The following INVS variants were observed in gnomAD, a reference collection of about 807,000 sequenced individuals.
INVS encodes the protein inversin, also known as inversion of embryo turning homolog.
Under a neutral mutation model 108.8 loss-of-function variants are expected in INVS, and 86 were observed. The observed-to-expected ratio is 0.79, with a 90% confidence interval of 0.66 to 0.95. INVS has a LOEUF of 0.95. Ranked by LOEUF, INVS falls within the 40% of genes least tolerant of loss-of-function variation. The pLI, the probability that INVS is intolerant of heterozygous loss-of-function variation, is 0.00. For synonymous variants in INVS, 455 were observed against 473.5 expected, an observed-to-expected ratio of 0.96 and a Z score of 0.51; for missense variants, 1,169 against 1,297.4, an observed-to-expected ratio of 0.90 and a Z score of 1.52.
chr9:100,247,882 C>T (rs938131006), intron 8 of INVS, among the ~76,000 whole-genome samples: 1 of 152,046 alleles, frequency 6.6e-6, no homozygotes. Flanking sequence ...GATCTTGGCT[C>T]ACTGCAACCT....
At chr9:100,104,996 G>T (rs1200552112) in intron 2 of INVS, among the ~76,000 whole-genome samples, 1 of 152,068 alleles carries the variant, frequency 6.6e-6, no homozygotes, top group Non-Finnish European at 1.5e-5. Flanking sequence ...AATTTTTAAT[G>T]ATTTAAAATT....
At chr9:100,110,119 C>G (rs1827296649) in intron 2 of INVS, among the ~76,000 whole-genome samples, 1 of 152,204 alleles carries the variant, frequency 6.6e-6, no homozygotes, top group Non-Finnish European at 1.5e-5. Flanking sequence ...AAAATGCTTG[C>G]CTACATGCAA....
intron 3 of INVS, among the ~76,000 whole-genome samples, chr9:100,183,933 AAT>A (rs1348845083): frequency 6.6e-6 from 1 of 152,036 alleles, no homozygotes; most frequent in Non-Finnish European, 1.5e-5. Context: ...ATTTATAGTA[AAT>A]ATAGGTATAA....
chr9:100,140,540 G>A (rs992471740), intron 3 of INVS, among the ~76,000 whole-genome samples: 1 of 152,176 alleles, frequency 6.6e-6, no homozygotes, highest in African/African-American at 2.4e-5. Context: ...GGATGTGTAC[G>A]TGTAGGTCAC....
At chr9:100,183,794 G>GAAA (rs67231511) in intron 3 of INVS, among the ~76,000 whole-genome samples, 7 of 68,654 alleles carry the variant, frequency 1.0e-4, no homozygotes, top group East Asian at 4.9e-4. Context: ...CTGTTTCAGG[G>GAAA]AAAAAAAAAA....
At chr9:100,108,296 C>T (rs970988889) in intron 2 of INVS, among the ~76,000 whole-genome samples, 2 of 152,096 alleles carry the variant, frequency 1.3e-5, no homozygotes, top group Non-Finnish European at 2.9e-5. Flanking sequence ...AGCTAATAAA[C>T]TTATTTATAA....
chr9:100,274,959 C>A (rs1246282017), intron 12 of INVS, among the ~76,000 whole-genome samples: 1 of 152,136 alleles, frequency 6.6e-6, no homozygotes, highest in Non-Finnish European at 1.5e-5. Context: ...CAAGATAAGT[C>A]ATTTTAATGA....
chr9:100,150,734 T>C (rs1425692122), intron 3 of INVS, among the ~76,000 whole-genome samples: 1 of 152,186 alleles, frequency 6.6e-6, no homozygotes, highest in Admixed American at 6.5e-5. Flanking sequence ...ATCAGGATGA[T>C]TATTATTCCT....
At chr9:100,248,892 A>C (rs1355901643) in intron 8 of INVS, among the ~76,000 whole-genome samples, 1 of 151,976 alleles carries the variant, frequency 6.6e-6, no homozygotes, top group African/African-American at 2.4e-5. Flanking sequence ...TTTAGAAAAA[A>C]AAAGTTAAAA....
intron 3 of INVS, among the ~76,000 whole-genome samples, chr9:100,145,480 A>T (rs1828573383): frequency 6.6e-6 from 1 of 151,858 alleles, no homozygotes; most frequent in Admixed American, 6.6e-5. Context: ...CACAGAGATA[A>T]GAGGTTGGGG....
At chr9:100,129,993 A>G (rs1309515485) in intron 3 of INVS, 4 of 331,170 alleles carry the variant, frequency 1.2e-5, no homozygotes, top group East Asian at 4.6e-5. Flanking sequence ...GTGCTTGTAT[A>G]GGGTGGTGCT....
At chr9:100,112,124 A>G (rs1203006395) in intron 2 of INVS, among the ~76,000 whole-genome samples, 1 of 151,976 alleles carries the variant, frequency 6.6e-6, no homozygotes, top group African/African-American at 2.4e-5. Flanking sequence ...GGTACATGCC[A>G]CCATGCTCAG....
intron 3 of INVS, among the ~76,000 whole-genome samples, chr9:100,131,621 C>A (rs2118913214): frequency 6.6e-6 from 1 of 152,174 alleles, no homozygotes; most frequent in East Asian, 1.9e-4. Flanking sequence ...TCTCTGACTT[C>A]TACTGATACA....
rs1833369214 is a variant in INVS, at chr9:100,284,414, C to T, written c.1879C>T (p.Pro627Ser). ...SCRPQALPCL[P>S]STQDVPSRQS... ...CAGACCCCAGGCCCTTCCCTGTCTG[C>T]CTAGCACCCAGGATGTGCCCAGCAG... The change falls in exon 13 of 17, where the codon CCT becomes TCT. Residue 627 changes from proline to serine, a missense_variant. Pro to Ser is a moderately conservative substitution (Grantham distance 74, BLOSUM62 -1). Transcript: ENST00000262457. 1 of 1,614,108 alleles carries T rather than the reference C, an allele frequency of 6.2e-7. No individual in the cohort carries two copies. Among genetic ancestry groups the T allele is most frequent in the East Asian group, 2.2e-5 (1 of 44,894 alleles).
At chr9:100,270,748 CA>C (rs746291227) in intron 11 of INVS, among the ~76,000 whole-genome samples, 124 of 47,188 alleles carry the variant, frequency 2.6e-3, no homozygotes, top group African/African-American at 5.6e-3. Context: ...AACTCCATCT[CA>C]AAAAAAAAAA....
chr9:100,159,762 GAATT>G (rs1429026832), intron 3 of INVS, among the ~76,000 whole-genome samples: 1 of 151,968 alleles, frequency 6.6e-6, no homozygotes, highest in Non-Finnish European at 1.5e-5. Context: ...TGAGTAGTTG[GAATT>G]AATTTTTTTG....
At chr9:100,249,785 C>T (rs1311419098) in intron 8 of INVS, among the ~76,000 whole-genome samples, 8 of 151,644 alleles carry the variant, frequency 5.3e-5, no homozygotes, top group Non-Finnish European at 7.4e-5. Flanking sequence ...TGAGCCACCG[C>T]GCCTGGCCTG....
chr9:100,284,716 G>A (rs1275779929), intron 13 of INVS, 113 bp downstream of exon 13: 6 of 1,114,380 alleles, frequency 5.4e-6, no homozygotes, highest in Admixed American at 2.1e-5. Flanking sequence ...ACCTAGGACC[G>A]CCACTTTATG....
At chr9:100,126,315 A>C (rs1386166064) in intron 2 of INVS, 68 bp from the exon 3 acceptor site, 18 of 1,253,406 alleles carry the variant, frequency 1.4e-5, no homozygotes, top group Non-Finnish European at 2.0e-5. Context: ...ATAAACAGCG[A>C]ATATAGTTCC....
Sources: allele counts gnomAD v4.1 joint callset (sites outside exome capture counted in the v4.1 genomes callset), GRCh38; gene constraint gnomAD v4.1.1; transcripts MANE v1.5; gene names NCBI Gene and HGNC (gene_info 2026-07-23, HGNC 2026-07-21).